MCC: variants seen among roughly 807,000 people sequenced by gnomAD.
MCC encodes MCC regulator of Wnt signaling pathway.
A neutral mutation model predicts 116.2 loss-of-function variants in MCC; 90 were observed. That is an observed-to-expected ratio of 0.77 (90% CI 0.65 to 0.92). The LOEUF is 0.92. MCC is among the 40% of genes least tolerant of loss of function. The pLI, the probability that MCC is intolerant of heterozygous loss-of-function variation, is 0.00. For synonymous variants in MCC, 578 were observed against 510.5 expected (o/e 1.13, Z -1.78); for missense variants, 1,516 against 1,312.2 (o/e 1.16, Z -2.40).
At chr5:113,271,105 A>T (rs1765602318) in intron 3 of MCC, among the ~76,000 whole-genome samples, 1 of 152,220 alleles carries the variant, frequency 6.6e-6, no homozygotes, top group Non-Finnish European at 1.5e-5. Flanking sequence ...TGTTCATGTT[A>T]AGACAATAGC....
At chr5:113,362,323 G>A (rs996750055) in intron 2 of MCC, among the ~76,000 whole-genome samples, 1 of 152,060 alleles carries the variant, frequency 6.6e-6, no homozygotes, top group Non-Finnish European at 1.5e-5. Flanking sequence ...CACTGCACCT[G>A]GCTGTCTGTG....
chr5:113,168,819 A>G (rs916450151), intron 3 of MCC, among the ~76,000 whole-genome samples: 4 of 152,180 alleles, frequency 2.6e-5, no homozygotes, highest in Admixed American at 1.3e-4. Flanking sequence ...ACTAGTCCAC[A>G]AGGCTAATTC....
chr5:113,188,511 G>A (rs533381438), intron 3 of MCC, among the ~76,000 whole-genome samples: 9 of 152,254 alleles, frequency 5.9e-5, no homozygotes, highest in African/African-American at 2.2e-4. Flanking sequence ...AGAGGCTGAA[G>A]GCTTTATGTT....
chr5:113,035,497 T>G (rs1278927591), intron 17 of MCC, among the ~76,000 whole-genome samples: 7 of 152,222 alleles, frequency 4.6e-5, no homozygotes, highest in African/African-American at 7.2e-5. Flanking sequence ...GCCTTTCACC[T>G]ACACGTGGAA....
At chr5:113,130,189 A>G (rs1337727050) in intron 5 of MCC, among the ~76,000 whole-genome samples, 1 of 152,208 alleles carries the variant, frequency 6.6e-6, no homozygotes, top group East Asian at 1.9e-4. Context: ...CTTTGCAGGG[A>G]CATGGATGAA....
chr5:113,190,172 G>A (rs1047265468), intron 3 of MCC, among the ~76,000 whole-genome samples: 2 of 152,226 alleles, frequency 1.3e-5, no homozygotes, highest in African/African-American at 4.8e-5. Context: ...GTTGTAAAGT[G>A]AACTAAGTCC....
chr5:113,369,861 C>T (rs1768796044), intron 2 of MCC, among the ~76,000 whole-genome samples: 1 of 152,148 alleles, frequency 6.6e-6, no homozygotes, highest in South Asian at 2.1e-4. Context: ...TCTAATCCTC[C>T]CTCACCCTAC....
intron 3 of MCC, among the ~76,000 whole-genome samples, chr5:113,309,964 A>G (rs565847037): frequency 3.0e-5 from 4 of 134,340 alleles, no homozygotes; most frequent in African/African-American, 1.2e-4. Context: ...TGTGTTTCAT[A>G]CCATTATCAA....
intron 3 of MCC, among the ~76,000 whole-genome samples, chr5:113,206,333 T>C (rs1051145579): frequency 6.6e-6 from 1 of 152,224 alleles, no homozygotes; most frequent in South Asian, 2.1e-4. Context: ...ATATATACCA[T>C]AGAACCTTAA....
intron 3 of MCC, among the ~76,000 whole-genome samples, chr5:113,177,300 G>C (rs966580941): frequency 6.6e-6 from 1 of 152,188 alleles, no homozygotes; most frequent in Non-Finnish European, 1.5e-5. Flanking sequence ...CACTGTGCCT[G>C]GCACAAAGGA....
intron 3 of MCC, among the ~76,000 whole-genome samples, chr5:113,237,262 A>T (rs180933758): frequency 2.8e-3 from 434 of 152,314 alleles, no homozygotes; most frequent in Non-Finnish European, 3.3e-3. Context: ...AAAAATGTGA[A>T]CATTTTACTT....
intron 1 of MCC, among the ~76,000 whole-genome samples, chr5:113,400,851 A>C (rs1769664091): frequency 6.6e-6 from 1 of 152,210 alleles, no homozygotes; most frequent in Non-Finnish European, 1.5e-5. Context: ...TCTTACAGTG[A>C]GCACTCAGTA....
intron 1 of MCC, among the ~76,000 whole-genome samples, chr5:113,394,014 T>C (rs1017209615): frequency 2.6e-5 from 4 of 152,212 alleles, no homozygotes; most frequent in African/African-American, 7.2e-5. Flanking sequence ...CAAATTTCTA[T>C]CTTCAATTAA....
chr5:113,161,609 G>C (rs75151248), intron 3 of MCC, among the ~76,000 whole-genome samples: 4,563 of 148,640 alleles, frequency 0.031, 119 homozygotes, highest in East Asian at 0.092. Flanking sequence ...AGCAAATGGA[G>C]GTTTAGATTT....
intron 5 of MCC, among the ~76,000 whole-genome samples, chr5:113,138,859 A>T (rs118175166): frequency 8.0e-4 from 122 of 152,246 alleles, no homozygotes; most frequent in East Asian, 1.9e-3. Flanking sequence ...TACTGTACTC[A>T]CTTGTGGCAT....
intron 1 of MCC, among the ~76,000 whole-genome samples, chr5:113,385,516 C>A (rs1200282104): frequency 2.0e-5 from 3 of 152,108 alleles, no homozygotes; most frequent in South Asian, 4.1e-4. Context: ...TTATAAAGTT[C>A]TTTCTTTACA....
intron 3 of MCC, among the ~76,000 whole-genome samples, chr5:113,225,554 C>A (rs1459520500): frequency 2.6e-5 from 4 of 152,200 alleles, no homozygotes; most frequent in African/African-American, 9.7e-5. Context: ...AATACTCACA[C>A]CCTCATACAG....
chr5:113,456,720 C>T (rs563265113), intron 1 of MCC, among the ~76,000 whole-genome samples: 1 of 148,480 alleles, frequency 6.7e-6, no homozygotes, highest in South Asian at 2.1e-4. Context: ...ATCCACCTGC[C>T]TCGGCCTCCC....
At chr5:113,442,807 G>A (rs1263231107) in intron 1 of MCC, among the ~76,000 whole-genome samples, 2 of 152,190 alleles carry the variant, frequency 1.3e-5, no homozygotes, top group Non-Finnish European at 2.9e-5. Context: ...TCAGATAGTT[G>A]TAGATGTGTG....
Sources: gnomAD v4.1 joint callset for allele counts (sites outside exome capture counted in the v4.1 genomes callset) on GRCh38, gnomAD v4.1.1 for gene constraint, MANE v1.5 for transcripts, NCBI Gene and HGNC (gene_info 2026-07-23, HGNC 2026-07-21) for gene names.